The following SCLY variants were observed in gnomAD, a reference collection of about 807,000 sequenced individuals.
The protein encoded by SCLY is putative selenocysteine lyase.
Under a neutral mutation model 50.1 loss-of-function variants are expected in SCLY, and 38 were observed. That is an observed-to-expected ratio of 0.76 (90% confidence interval 0.59 to 0.99). The LOEUF (loss-of-function observed/expected upper bound fraction) is 0.99. SCLY is among the 50% of genes least tolerant of loss of function. The pLI is 0.00. For synonymous variants in SCLY, 243 were observed against 249.4 expected, an observed-to-expected ratio of 0.97 and a Z score of 0.24; for missense variants, 600 against 620.0, an observed-to-expected ratio of 0.97 and a Z score of 0.34.
chr2:238,097,677 G>A (rs2065453987), intron 11 of SCLY, among the ~76,000 whole-genome samples: 2 of 152,090 alleles, frequency 1.3e-5, no homozygotes, highest in African/African-American at 4.8e-5. Context: ...GGACCCGGGT[G>A]TGATGAGGTC....
In SCLY at chr2:238,067,410, G is replaced by A. The variant is rs187832350; in HGVS notation, c.203-655G>A. ...GGTCAAAAAAGTTTGGGGACTCCTG[G>A]TGTGTACACTAAGAATGGTCACTGA... On this transcript the variant is annotated intron_variant, in intron 2 of 11. Transcript: ENST00000254663. This position sits in a 1 kb window ranked among gnomAD's most constrained non-coding sequence, Gnocchi z 4.3. 1.3e-5 allele frequency among the ~76,000 whole-genome samples: 2 copies of A among 152,294 alleles called. No individual in the cohort carries two copies. The highest frequency in any genetic ancestry group is 1.9e-4 in the East Asian group (1 of 5,180).
At chr2:238,087,096 A>G (rs1000009707) in intron 7 of SCLY, among the ~76,000 whole-genome samples, 2 of 151,526 alleles carry the variant, frequency 1.3e-5, no homozygotes, top group Admixed American at 6.6e-5. Context: ...AGGTCAAGGC[A>G]GGTAGATTGC....
rs116550183 is a variant in SCLY at position 238,061,463 on chromosome 2, G to A, written c.89+320G>A. ...AGATGCGAAGGGCAGGGGACTTGCC[G>A]GAGGTGAACCGGCAGAGCCCCTGAG... On this transcript the variant is annotated intron_variant, in intron 1 of 11. Transcript: ENST00000254663. 2.5e-3 allele frequency: 1,127 copies of A among 452,242 alleles called. 19 individuals carry two copies. The highest frequency in any genetic ancestry group is 0.021 in the African/African-American group (1,001 of 47,806). The allele number at this position is 452,242 out of a possible 1,614,324, so 28.0% of individuals were successfully genotyped here.
rs1412187895 is a variant in SCLY, at chr2:238,066,539, T to C, written c.203-1526T>C. ...TGTCCACTATGTGGAGAATGGACCC[T>C]GGTGGGGGCCTGCTAGGAGAACATC... On this transcript the variant is annotated intron_variant, in intron 2 of 11. Transcript: ENST00000254663. The surrounding 1 kb of genome is among the most constrained non-coding windows in gnomAD (Gnocchi z 4.1). Among the ~76,000 whole-genome samples the C allele has an allele frequency of 6.6e-6, 1 of 152,158 alleles. No homozygotes were observed. The highest frequency in any genetic ancestry group is 1.5e-5 in the Non-Finnish European group (1 of 68,020).
intron 7 of SCLY, among the ~76,000 whole-genome samples, chr2:238,086,642 G>A (rs977226441): frequency 4.1e-5 from 6 of 147,238 alleles, no homozygotes; most frequent in Non-Finnish European, 5.9e-5. Context: ...GAAGTTCGAG[G>A]CTGCAGTGAG....
chr2:238,065,614 T>A (rs2065061123), intron 2 of SCLY, among the ~76,000 whole-genome samples: 1 of 150,812 alleles, frequency 6.6e-6, no homozygotes. Flanking sequence ...TATAGAGTGG[T>A]TTAATTATTT....
chr2:238,097,287 C>A (rs1435793807), intron 11 of SCLY, among the ~76,000 whole-genome samples: 1 of 152,184 alleles, frequency 6.6e-6, no homozygotes, highest in Non-Finnish European at 1.5e-5. Flanking sequence ...CAGCCATCTG[C>A]AAGATGCAGC....
chr2:238,095,649 A>G (rs1228417991), intron 10 of SCLY: 1 of 152,134 alleles, frequency 6.6e-6, no homozygotes, highest in East Asian at 1.9e-4. Context: ...TGGAAAGGAG[A>G]GTTCTCTGTC....
intron 4 of SCLY, among the ~76,000 whole-genome samples, chr2:238,076,503 A>G (rs1002175660): frequency 1.3e-5 from 2 of 151,740 alleles, no homozygotes. Flanking sequence ...ATTCATCTCA[A>G]AGTATTTTCT....
Position 238,098,577 on chromosome 2 carries a change from G to GGGAACGCCCACATGGGACCGCCCACATA in SCLY, c.*225_*226insACGCCCACATGGGACCGCCCACATAGGA, listed in dbSNP as rs1559254371. ...CAACGCCGCATAGGACTGCCCACAT[G>GGGAACGCCCACATGGGACCGCCCACATA]GGACCGCCCACATAGGACCGCCCAC... is the stretch of plus-strand genomic sequence containing the variant. On this transcript the variant is annotated 3_prime_UTR_variant, in exon 12 of 12. Transcript: ENST00000254663. 30 of 337,066 alleles carry GGGAACGCCCACATGGGACCGCCCACATA rather than the reference G, an allele frequency of 8.9e-5. No homozygotes were observed. The highest frequency in any genetic ancestry group is 7.1e-4 in the Middle Eastern group (1 of 1,400). The allele number at this position is 337,066 out of a possible 1,614,324, so 20.9% of individuals were successfully genotyped here.
intron 4 of SCLY, chr2:238,079,076 T>C (rs1227405766): frequency 2.8e-4 from 35 of 124,856 alleles, no homozygotes; most frequent in African/African-American, 9.8e-4. Context: ...TTCTTTTTTT[T>C]TTTTTTTTTT....
chr2:238,098,274 C>T lies in SCLY; in HGVS notation c.1257C>T (p.Gly419=). The change falls in exon 12 of 12, where the codon GGC becomes GGT. Residue 419 remains glycine (G), a synonymous_variant. Transcript: ENST00000254663. ...GGAACGCGCTCCGGCTCAGCGTGGGCCGCAGCACCACCAGGGCCGAGGTGG... is the reference window on the plus strand; with the variant it reads ...GGAACGCGCTCCGGCTCAGCGTGGGTCGCAGCACCACCAGGGCCGAGGTGG... The part of the protein sequence containing the change: ...VARNALRLSV[G]RSTTRAEVDL... 1 of 1,610,346 alleles carries T rather than the reference C, an allele frequency of 6.2e-7. No homozygotes were observed.
intron 2 of SCLY, chr2:238,064,676 A>T: frequency 2.6e-6 from 1 of 390,542 alleles, no homozygotes; most frequent in East Asian, 4.9e-5. Flanking sequence ...TTTAACCTTT[A>T]ATGTTTAATC....
intron 4 of SCLY, among the ~76,000 whole-genome samples, chr2:238,073,061 A>G (rs1159026075): frequency 6.6e-6 from 1 of 152,110 alleles, no homozygotes; most frequent in African/African-American, 2.4e-5. Flanking sequence ...GAGGAGTCCA[A>G]ATTTACTTTT....
At chr2:238,088,756 G>C (rs1359628579) in intron 7 of SCLY, among the ~76,000 whole-genome samples, 1 of 152,208 alleles carries the variant, frequency 6.6e-6, no homozygotes, top group Admixed American at 6.5e-5. Context: ...TAGGATTAGT[G>C]GGGAACTTTC....
intron 8 of SCLY, chr2:238,091,470 A>T (rs1453155924): frequency 5.3e-6 from 3 of 568,722 alleles, no homozygotes; most frequent in Non-Finnish European, 9.6e-6. Flanking sequence ...AAAGGGAAAA[A>T]CTCCTTGTCT....
Position 238,098,605 on chromosome 2 carries a change from AG to A in SCLY, c.*252del, listed in dbSNP as rs1691317120. 2.5e-3 allele frequency: 770 copies of A among 311,190 alleles called. 34 individuals carry two copies. The highest frequency in any genetic ancestry group is 0.018 in the African/African-American group (393 of 22,272). The allele number at this position is 311,190 out of a possible 1,614,324, so 19.3% of individuals were successfully genotyped here. On this transcript the variant is annotated 3_prime_UTR_variant, in exon 12 of 12. Transcript: ENST00000254663. The stretch of plus-strand genomic sequence containing the variant: ...ACCGCCCACATAGGACCGCCCACAT[AG>A]GACCGCCCACATGGGACCGCCCACA...
Position 238,098,961 on chromosome 2 carries a change from C to T in SCLY, c.*606C>T, listed in dbSNP as rs563359436. 9.9e-5 allele frequency: 27 copies of T among 271,636 alleles called. No individual in the cohort carries two copies. In the East Asian group the frequency reaches 2.7e-3, roughly 27 times the overall value. 16.8% of individuals were successfully genotyped at this position (271,636 alleles called of 1,614,324 possible). A position where few individuals can be genotyped will look rare whatever the true frequency, so the allele number is the denominator to read the frequency against. On this transcript the variant is annotated 3_prime_UTR_variant, in exon 12 of 12. Coordinates refer to ENST00000254663, the MANE Select transcript of SCLY (RefSeq NM_016510.7). ...CTCCTCTGGCCTCAGTGCACAGTGG[C>T]CCCCAGCCTCGGCCAGGCCTGCTCT...
At position 238,098,672 on chromosome 2, in the gene SCLY, C is replaced by CATGGGAACG. The variant is rs1387039990; in HGVS notation, c.*317_*318insATGGGAACG. 2 of 423,578 alleles carry CATGGGAACG rather than the reference C, an allele frequency of 4.7e-6. No individual in the cohort carries two copies. Among genetic ancestry groups the CATGGGAACG allele is most frequent in the South Asian group, 8.9e-5 (1 of 11,216 alleles). The allele number at this position is 423,578 out of a possible 1,614,324, so 26.2% of individuals were successfully genotyped here. A position where few individuals can be genotyped will look rare whatever the true frequency, so the allele number is the denominator to read the frequency against. Reference sequence around the variant, plus strand: ...GGGACCGCCCACATAGAACCGTCCTCCAGTGGTGAAGCGGAAACACTTAGC... The same window carrying CATGGGAACG: ...GGGACCGCCCACATAGAACCGTCCTCATGGGAACGCAGTGGTGAAGCGGAAACACTTAGC... On this transcript the variant is annotated 3_prime_UTR_variant, in exon 12 of 12. Transcript: ENST00000254663.
Sources: allele counts gnomAD v4.1 joint callset (sites outside exome capture counted in the v4.1 genomes callset), GRCh38; gene constraint gnomAD v4.1.1; non-coding constraint Gnocchi (gnomAD v3.1); transcripts MANE v1.5; gene names NCBI Gene and HGNC (gene_info 2026-07-23, HGNC 2026-07-21).